The following PTPRT variants were observed in gnomAD, a reference collection of about 807,000 sequenced individuals.
PTPRT encodes the protein protein tyrosine phosphatase receptor type T.
In PTPRT, 56 loss-of-function variants were observed where a neutral mutation model predicts 176.8. The observed-to-expected ratio is 0.32, with a 90% confidence interval of 0.26 to 0.40. The LOEUF is 0.40. Ranked by LOEUF, PTPRT falls within the 10% of genes least tolerant of loss-of-function variation. PTPRT has a pLI of 1.00. For synonymous variants in PTPRT, 783 were observed against 739.0 expected, an observed-to-expected ratio of 1.06 and a Z score of -0.96; for missense variants, 1,540 against 1,908.2, an observed-to-expected ratio of 0.81 and a Z score of 3.60.
intron 15 of PTPRT, among the ~76,000 whole-genome samples, chr20:42,213,742 G>T (rs1301576033): frequency 6.6e-6 from 1 of 152,110 alleles, no homozygotes; most frequent in African/African-American, 2.4e-5. Flanking sequence ...CGGAGGACTG[G>T]TGGGCACCAC....
chr20:42,200,611 A>C (rs897343486), intron 15 of PTPRT, among the ~76,000 whole-genome samples: 7 of 152,174 alleles, frequency 4.6e-5, no homozygotes, highest in African/African-American at 1.7e-4. Context: ...TTTTAACTGG[A>C]TAGGTCTCAG....
intron 5 of PTPRT, among the ~76,000 whole-genome samples, chr20:42,770,429 C>T (rs1333947666): frequency 2.0e-5 from 3 of 152,212 alleles, no homozygotes; most frequent in Admixed American, 6.5e-5. Context: ...TGGAAGTATG[C>T]TAATGTTATA....
chr20:42,730,365 A>G (rs766358376), intron 6 of PTPRT, among the ~76,000 whole-genome samples: 1 of 152,194 alleles, frequency 6.6e-6, no homozygotes, highest in African/African-American at 2.4e-5. Flanking sequence ...CAGCCATGGG[A>G]CACAAAAGCA....
intron 22 of PTPRT, 73 bp from the exon 23 acceptor site, chr20:42,110,560 T>C: frequency 2.0e-6 from 3 of 1,503,216 alleles, no homozygotes; most frequent in Middle Eastern, 2.2e-4. Flanking sequence ...CGTGGAGCCA[T>C]AGCTGCTGCA....
chr20:42,701,939 C>T (rs1308712371), intron 6 of PTPRT, among the ~76,000 whole-genome samples: 29 of 152,096 alleles, frequency 1.9e-4, no homozygotes, highest in South Asian at 2.1e-4. Flanking sequence ...GAGAGATATA[C>T]GCAAGGCCAT....
rs1298789381 is a variant in PTPRT at position 42,791,364 on chromosome 20, T to G, written c.317A>C (p.His106Pro). The change falls in exon 3 of 31, where the codon CAT becomes CCT. Residue 106 changes from histidine (H) to proline (P), a missense_variant. By Grantham distance (77) the His-to-Pro change is moderately conservative. Transcript: ENST00000373187. The stretch of plus-strand genomic sequence containing the variant: ...CCTGTCACGGCTGGAGAAGTAGTAA[T>G]GGAAGTCGATGCAGTGGGTGTCATT... ...KENDTHCIDFHYYFSSRDRSS... is the reference protein window; with the variant it reads ...KENDTHCIDFPYYFSSRDRSS... 6.2e-7 allele frequency: 1 copy of G among 1,614,200 alleles called. No homozygotes were observed. The highest frequency in any genetic ancestry group is 8.5e-7 in the Non-Finnish European group (1 of 1,180,034).
chr20:43,048,354 T>C (rs1986916032), intron 1 of PTPRT, among the ~76,000 whole-genome samples: 1 of 152,078 alleles, frequency 6.6e-6, no homozygotes, highest in Admixed American at 6.5e-5. Context: ...CCAGTGGTTA[T>C]TAAGTCCCTT....
chr20:42,516,564 G>A (rs940953836), intron 7 of PTPRT, among the ~76,000 whole-genome samples: 1 of 152,124 alleles, frequency 6.6e-6, no homozygotes, highest in Admixed American at 6.5e-5. Context: ...TTTTTAAACA[G>A]TTTACATTTG....
At chr20:42,742,089 C>A (rs2076619878) in intron 6 of PTPRT, among the ~76,000 whole-genome samples, 1 of 152,288 alleles carries the variant, frequency 6.6e-6, no homozygotes, top group South Asian at 2.1e-4. Flanking sequence ...TGCAGATGTG[C>A]TCAGGGAGAA....
At chr20:43,072,703 C>T (rs1183434369) in intron 1 of PTPRT, among the ~76,000 whole-genome samples, 3 of 152,206 alleles carry the variant, frequency 2.0e-5, no homozygotes, top group Non-Finnish European at 2.9e-5. Flanking sequence ...TTCTCCAAAG[C>T]TTCTATCTTT....
At chr20:43,156,198 C>T (rs985551638) in intron 1 of PTPRT, among the ~76,000 whole-genome samples, 1 of 152,180 alleles carries the variant, frequency 6.6e-6, no homozygotes, top group African/African-American at 2.4e-5. Context: ...CTGATCAGCA[C>T]TGGGGACAGG....
intron 2 of PTPRT, among the ~76,000 whole-genome samples, chr20:42,833,229 A>C (rs1436558441): frequency 1.3e-5 from 2 of 151,938 alleles, no homozygotes; most frequent in Non-Finnish European, 2.9e-5. Flanking sequence ...ACTTAAAAAA[A>C]AACCTAAAGT....
chr20:42,487,911 A>T (rs2071491325), intron 7 of PTPRT, among the ~76,000 whole-genome samples: 1 of 152,150 alleles, frequency 6.6e-6, no homozygotes, highest in African/African-American at 2.4e-5. Flanking sequence ...TAGACCCATT[A>T]TGTTTTATAC....
At chr20:42,433,294 A>AAAAAAAGAAATCC (rs1266924446) in intron 9 of PTPRT, among the ~76,000 whole-genome samples, 1 of 152,210 alleles carries the variant, frequency 6.6e-6, no homozygotes, top group East Asian at 1.9e-4. Context: ...TACTGCAGAA[A>AAAAAAAGAAATCC]AAAAAAGAAA....
chr20:42,226,921 G>A (rs955198338), intron 15 of PTPRT, among the ~76,000 whole-genome samples: 8 of 152,048 alleles, frequency 5.3e-5, no homozygotes, highest in African/African-American at 1.4e-4. Flanking sequence ...ATGAATGATC[G>A]CCCAAGGAAA....
the PTPRT span, among the ~76,000 whole-genome samples, chr20:42,066,785 T>A: frequency 6.6e-6 from 1 of 152,232 alleles, no homozygotes; most frequent in Non-Finnish European, 1.5e-5. Context: ...TAATTATGTA[T>A]AATTTCTATA....
intron 1 of PTPRT, among the ~76,000 whole-genome samples, chr20:42,938,111 T>C (rs771619058): frequency 6.6e-6 from 1 of 152,216 alleles, no homozygotes; most frequent in Non-Finnish European, 1.5e-5. Flanking sequence ...CTACAAGTGG[T>C]TTAAAAGAGA....
chr20:42,846,558 G>A (rs556273955), intron 2 of PTPRT, among the ~76,000 whole-genome samples: 1 of 152,324 alleles, frequency 6.6e-6, no homozygotes, highest in South Asian at 2.1e-4. Context: ...AGGCACTCTT[G>A]CTTAATACAA....
chr20:42,079,515 C>G lies in PTPRT; in HGVS notation c.*1364G>C, dbSNP rs1295923746. On this transcript the variant is annotated 3_prime_UTR_variant, in exon 31 of 31. Coordinates refer to ENST00000373187, the MANE Select transcript of PTPRT (RefSeq NM_007050.6). ...AGCTCTCTCCTGGGGGTTCTAAGGACTGTGTGAAATGTCCTATGGAAAGTG... is the reference window on the plus strand; with the variant it reads ...AGCTCTCTCCTGGGGGTTCTAAGGAGTGTGTGAAATGTCCTATGGAAAGTG... 4.5e-6 allele frequency: 1 copy of G among 222,644 alleles called. No homozygotes were observed. Among genetic ancestry groups the G allele is most frequent in the Non-Finnish European group, 9.0e-6 (1 of 111,448 alleles). 13.8% of individuals were successfully genotyped at this position (222,644 alleles called of 1,614,324 possible).
Sources: gnomAD v4.1 joint callset for allele counts (sites outside exome capture counted in the v4.1 genomes callset) on GRCh38, gnomAD v4.1.1 for gene constraint, MANE v1.5 for transcripts, NCBI Gene and HGNC (gene_info 2026-07-23, HGNC 2026-07-21) for gene names.